The following PCLAF variants were observed in gnomAD, a reference collection of about 807,000 sequenced individuals.
PCLAF encodes the protein PCNA-associated factor.
Under a neutral mutation model 15.1 loss-of-function variants are expected in PCLAF, and 12 were observed. That is an observed-to-expected ratio of 0.79 (90% confidence interval 0.51 to 1.29). The LOEUF (loss-of-function observed/expected upper bound fraction) is 1.29. PCLAF is among the 50% of genes most tolerant of loss of function. PCLAF has a pLI of 0.00. For synonymous variants in PCLAF, 33 were observed against 47.1 expected, an observed-to-expected ratio of 0.70 and a Z score of 1.22; for missense variants, 116 against 130.9, an observed-to-expected ratio of 0.89 and a Z score of 0.56.
intron 3 of PCLAF, among the ~76,000 whole-genome samples, chr15:64,370,353 C>T (rs566616856): frequency 2.6e-5 from 4 of 151,180 alleles, no homozygotes; most frequent in Non-Finnish European, 5.9e-5. Flanking sequence ...GCATGCCTGG[C>T]CTCATGGAGT....
intron 1 of PCLAF, 38 bp from the exon 2 acceptor site, chr15:64,381,076 A>G: frequency 7.5e-6 from 12 of 1,598,572 alleles, no homozygotes; most frequent in Non-Finnish European, 1.0e-5. Context: ...CAGAAGGGGC[A>G]GGAGGGTTCC....
At chr15:64,381,774 T>G (rs979782818), upstream of PCLAF, among the ~76,000 whole-genome samples, 1 of 152,232 alleles carries the variant, frequency 6.6e-6, no homozygotes, top group Non-Finnish European at 1.5e-5. Flanking sequence ...AAAGTTACTA[T>G]AGCTTTAAGT....
intron 2 of PCLAF, among the ~76,000 whole-genome samples, chr15:64,377,484 AAAAAATATAT>A (rs1899641612): frequency 2.4e-5 from 1 of 41,550 alleles, no homozygotes; most frequent in South Asian, 8.3e-4. Flanking sequence ...AAAAAAAAAA[AAAAAATATAT>A]ATATATATAT....
intron 1 of PCLAF, 61 bp from the exon 2 acceptor site, chr15:64,381,099 T>C (rs767322024): frequency 5.6e-5 from 84 of 1,513,222 alleles, no homozygotes; most frequent in Non-Finnish European, 7.3e-5. Context: ...CACCGAGTCC[T>C]GGACCCCAGC....
chr15:64,375,794 A>G (rs1472755587), intron 3 of PCLAF, among the ~76,000 whole-genome samples: 3 of 152,358 alleles, frequency 2.0e-5, no homozygotes, highest in Non-Finnish European at 2.9e-5. Context: ...CCTTGTAAGA[A>G]AAGCCTAAAG....
chr15:64,369,176 A>G (rs1037357861), intron 3 of PCLAF, among the ~76,000 whole-genome samples: 17 of 152,060 alleles, frequency 1.1e-4, no homozygotes, highest in Non-Finnish European at 7.4e-5. Context: ...AGCCTAGGCA[A>G]CATAGCAAGG....
intron 3 of PCLAF, among the ~76,000 whole-genome samples, chr15:64,368,324 A>C (rs1344760968): frequency 1.3e-5 from 2 of 152,176 alleles, no homozygotes; most frequent in Admixed American, 6.6e-5. Flanking sequence ...TCAGTAAAAA[A>C]AACAAAAACA....
In PCLAF at chr15:64,376,777, C is replaced by T. The variant is rs1019156695; in HGVS notation, c.256G>A (p.Ala86Thr). The T allele has an allele frequency of 6.2e-7, 1 of 1,613,356 alleles. No individual in the cohort carries two copies. Among genetic ancestry groups the T allele is most frequent in the African/African-American group, 1.3e-5 (1 of 74,880 alleles). The change falls in exon 3 of 4, where the codon GCA (alanine) becomes ACA (threonine). Residue 86 changes from alanine (A) to threonine (T), a missense_variant. Ala to Thr is a moderately conservative substitution (Grantham distance 58, BLOSUM62 0). Transcript: ENST00000300035. ...SEKENQIPEEAGSSGLGKAKR... is the reference protein window; with the variant it reads ...SEKENQIPEETGSSGLGKAKR... ...GCTTTTCCTAAGCCACTGCTTCCTG[C>T]CTCTTCAGGAATCTGATTCTCTTTT... is the stretch of plus-strand genomic sequence containing the variant.
chr15:64,368,337 A>G (rs1270408188), intron 3 of PCLAF, among the ~76,000 whole-genome samples: 1 of 152,164 alleles, frequency 6.6e-6, no homozygotes, highest in Non-Finnish European at 1.5e-5. Flanking sequence ...CAAAAACAAA[A>G]TAAGATTATC....
At chr15:64,371,018 G>C (rs1226900384) in intron 3 of PCLAF, among the ~76,000 whole-genome samples, 1 of 146,042 alleles carries the variant, frequency 6.8e-6, no homozygotes, top group African/African-American at 2.5e-5. Flanking sequence ...GCCCAGGCTG[G>C]AGTGCAGTAG....
upstream of PCLAF, among the ~76,000 whole-genome samples, chr15:64,385,167 G>A (rs181809518): frequency 9.3e-4 from 142 of 152,122 alleles, no homozygotes; most frequent in Non-Finnish European, 1.4e-3. Flanking sequence ...TGAGATTACC[G>A]GTGTGGGCTA....
intron 2 of PCLAF, among the ~76,000 whole-genome samples, chr15:64,380,575 G>A (rs1348774882): frequency 6.6e-6 from 1 of 152,000 alleles, no homozygotes; most frequent in Non-Finnish European, 1.5e-5. Context: ...GTGGTGGCAT[G>A]TACCTGTAGC....
chr15:64,377,470 C>CAAAA lies in PCLAF; in HGVS notation c.128-569_128-566dup, dbSNP rs771209859. Among the ~76,000 whole-genome samples, 7 of 914 alleles carry CAAAA rather than the reference C, an allele frequency of 7.7e-3. 1 individual carries two copies. Among genetic ancestry groups the CAAAA allele is most frequent in the Non-Finnish European group, 0.017 (5 of 302 alleles). The allele number at this position is 914 out of a possible 152,430, so 0.6% of individuals were successfully genotyped here. ...CTGGCAACAGAGCGAGACTCTGTCT[C>CAAAA]AAAAAAAAAAAAAAAAAAATATATA... is the stretch of plus-strand genomic sequence containing the variant. On this transcript the variant is annotated intron_variant, in intron 2 of 3. Coordinates refer to ENST00000300035, the MANE Select transcript of PCLAF (RefSeq NM_014736.6).
chr15:64,376,988 A>G (rs546560770), intron 2 of PCLAF, 83 bp from the exon 3 acceptor site: 4 of 1,065,342 alleles, frequency 3.8e-6, no homozygotes, highest in Middle Eastern at 2.3e-4. Context: ...CTTCTTTAAC[A>G]TCAAATTCTC....
chr15:64,385,062 G>GT (rs952700179), upstream of PCLAF, among the ~76,000 whole-genome samples: 74 of 151,570 alleles, frequency 4.9e-4, 1 homozygote, highest in African/African-American at 1.5e-3. Context: ...TAATTTTTAG[G>GT]TTTTTTTTGT....
chr15:64,367,019 G>A (rs906787390), intron 3 of PCLAF, among the ~76,000 whole-genome samples: 5 of 151,142 alleles, frequency 3.3e-5, no homozygotes, highest in African/African-American at 7.3e-5. Flanking sequence ...TAGTTTCAGC[G>A]ACTCAGGAGG....
chr15:64,377,710 C>T (rs1318191341), intron 2 of PCLAF, among the ~76,000 whole-genome samples: 1 of 141,110 alleles, frequency 7.1e-6, no homozygotes, highest in African/African-American at 2.6e-5. Context: ...AAGCACCTGG[C>T]TCCTTTTCAG....
At chr15:64,383,022 G>A (rs1899863880), upstream of PCLAF, 1 of 159,228 alleles carries the variant, frequency 6.3e-6, no homozygotes, top group Non-Finnish European at 1.4e-5. Context: ...AGGATCAGAT[G>A]AACTTGCTTT....
At chr15:64,376,698 C>A (rs917228771) in intron 3 of PCLAF, 45 bp downstream of exon 3, 8 of 1,514,828 alleles carry the variant, frequency 5.3e-6, no homozygotes, top group Admixed American at 1.8e-5. Flanking sequence ...GGATTACAGG[C>A]GTGAGATAAA....
Sources: allele counts gnomAD v4.1 joint callset (sites outside exome capture counted in the v4.1 genomes callset), GRCh38; gene constraint gnomAD v4.1.1; transcripts MANE v1.5; gene names NCBI Gene and HGNC (gene_info 2026-07-23, HGNC 2026-07-21).